The following SMAD6 variants were observed in gnomAD, a reference collection of about 807,000 sequenced individuals.
SMAD6 encodes SMAD family member 6, also known as MAD homolog 6.
Under a neutral mutation model 39.4 loss-of-function variants are expected in SMAD6, and 103 were observed. The ratio of observed to expected loss-of-function variants is 2.62; its 90% CI spans 2.23 to 3.08. SMAD6 has a LOEUF of 3.08. Among genes scored for constraint, SMAD6 ranks in the 30% most tolerant of loss-of-function variants. SMAD6 has a pLI of 0.00. For missense variants in SMAD6, 1,104 were observed against 742.9 expected (o/e 1.49, Z -5.65); for synonymous variants, 445 against 353.3 (o/e 1.26, Z -2.91).
intron 3 of SMAD6, among the ~76,000 whole-genome samples, chr15:66,731,638 T>C (rs551498493): frequency 6.6e-6 from 1 of 152,334 alleles, no homozygotes; most frequent in South Asian, 2.1e-4. Flanking sequence ...TCCATGTTGT[T>C]TCTTGGATGG....
Position 66,757,770 on chromosome 15 carries a change from G to T in SMAD6, c.953-23227G>T, listed in dbSNP as rs112466319. On this transcript the variant is annotated intron_variant, in intron 3 of 3. Transcript: ENST00000288840. ...CGCCGCATTCTGCTCACACAGCCTG[G>T]ATGCCAGAATGTCCACCGAGCCGCG... is the stretch of plus-strand genomic sequence containing the variant. Among the ~76,000 whole-genome samples the T allele has an allele frequency of 2.1e-3, 323 of 152,314 alleles. 1 individual carries two copies. Among genetic ancestry groups the T allele is most frequent in the Non-Finnish European group, 3.7e-3 (254 of 68,016 alleles).
chr15:66,721,988 C>T (rs979809915), intron 3 of SMAD6, among the ~76,000 whole-genome samples: 5 of 152,062 alleles, frequency 3.3e-5, no homozygotes, highest in African/African-American at 1.2e-4. Flanking sequence ...ATAGCAGATG[C>T]AAAGACCTGG....
At chr15:66,718,953 GGGGCATTTGATGTCTAA>G (rs1410928776) in intron 3 of SMAD6, among the ~76,000 whole-genome samples, 9 of 152,200 alleles carry the variant, frequency 5.9e-5, no homozygotes, top group Admixed American at 2.6e-4. Flanking sequence ...GGGCCAGGCC[GGGGCATTTGATGTCTAA>G]GGACAAATAA....
chr15:66,743,044 A>ATT (rs1893843940), intron 3 of SMAD6, among the ~76,000 whole-genome samples: 1 of 151,994 alleles, frequency 6.6e-6, no homozygotes, highest in Admixed American at 6.5e-5. Context: ...CCTCTGTCAA[A>ATT]TAACAGGTCC....
chr15:66,764,540 C>A (rs1437259008), intron 3 of SMAD6, among the ~76,000 whole-genome samples: 2 of 152,082 alleles, frequency 1.3e-5, no homozygotes, highest in African/African-American at 4.8e-5. Context: ...GCAGATATAA[C>A]ATGGAATGCA....
At chr15:66,763,415 G>A (rs1311732015) in intron 3 of SMAD6, among the ~76,000 whole-genome samples, 3 of 152,198 alleles carry the variant, frequency 2.0e-5, no homozygotes, top group African/African-American at 4.8e-5. Context: ...TGGCCCAGCC[G>A]GAACCTGCCA....
intron 1 of SMAD6, 102 bp downstream of exon 1, chr15:66,704,177 T>C (rs1057077538): frequency 2.3e-5 from 23 of 979,832 alleles, no homozygotes; most frequent in African/African-American, 5.1e-5. Flanking sequence ...CTGCGGGTGC[T>C]CCCCCGGGTG....
chr15:66,751,863 GA>G (rs961451748), intron 3 of SMAD6, among the ~76,000 whole-genome samples: 2 of 152,224 alleles, frequency 1.3e-5, no homozygotes, highest in African/African-American at 4.8e-5. Context: ...AACAGTCTCA[GA>G]GACACCAGTG....
chr15:66,739,855 G>T (rs1278303258), intron 3 of SMAD6, among the ~76,000 whole-genome samples: 1 of 152,128 alleles, frequency 6.6e-6, no homozygotes, highest in Non-Finnish European at 1.5e-5. Context: ...GCCCAGGGTA[G>T]CCTCGAACTA....
chr15:66,729,400 C>T (rs1313892561), intron 3 of SMAD6, among the ~76,000 whole-genome samples: 7 of 152,222 alleles, frequency 4.6e-5, no homozygotes, highest in Non-Finnish European at 1.0e-4. Context: ...CTGGGCCTTT[C>T]ACCGGTAGCC....
chr15:66,710,192 AT>A (rs1408458184), intron 1 of SMAD6, among the ~76,000 whole-genome samples: 1 of 152,196 alleles, frequency 6.6e-6, no homozygotes, highest in African/African-American at 2.4e-5. Context: ...ATCTCATTTA[AT>A]TTTTGTATTT....
At chr15:66,721,026 G>A (rs1228193051) in intron 3 of SMAD6, among the ~76,000 whole-genome samples, 2 of 152,218 alleles carry the variant, frequency 1.3e-5, no homozygotes, top group Non-Finnish European at 2.9e-5. Flanking sequence ...TGAGCTGGAT[G>A]TGGGTATCTT....
At chr15:66,743,827 A>G (rs1893858343) in intron 3 of SMAD6, among the ~76,000 whole-genome samples, 1 of 152,208 alleles carries the variant, frequency 6.6e-6, no homozygotes, top group Non-Finnish European at 1.5e-5. Context: ...TTCTCTTAGC[A>G]ATACTGAAAA....
chr15:66,779,308 A>G (rs936059008), intron 3 of SMAD6, among the ~76,000 whole-genome samples: 1 of 152,206 alleles, frequency 6.6e-6, no homozygotes, highest in Admixed American at 6.5e-5. Context: ...TCTCCTGACC[A>G]TCAGCTGGAA....
At chr15:66,722,967 G>T (rs1893460573) in intron 3 of SMAD6, among the ~76,000 whole-genome samples, 1 of 152,176 alleles carries the variant, frequency 6.6e-6, no homozygotes, top group Non-Finnish European at 1.5e-5. Flanking sequence ...TCTAGTCTCA[G>T]TTTGCTCAGC....
chr15:66,749,379 A>T (rs8041472), intron 3 of SMAD6, among the ~76,000 whole-genome samples: 11,388 of 152,158 alleles, frequency 0.075, 536 homozygotes, highest in East Asian at 0.2. Flanking sequence ...AATCGATTGA[A>T]CCTTGCTGGC....
intron 3 of SMAD6, among the ~76,000 whole-genome samples, chr15:66,735,045 C>T (rs974965666): frequency 4.6e-5 from 7 of 152,232 alleles, no homozygotes; most frequent in African/African-American, 9.6e-5. Context: ...AGAATAGCCA[C>T]GGCCAGCTCG....
At chr15:66,708,176 C>A (rs1388588379) in intron 1 of SMAD6, 4 of 152,370 alleles carry the variant, frequency 2.6e-5, no homozygotes, top group African/African-American at 9.7e-5. Context: ...CTACCAGGTC[C>A]ACTTCTTTCA....
intron 3 of SMAD6, among the ~76,000 whole-genome samples, chr15:66,734,507 T>G (rs1346573619): frequency 1.3e-5 from 2 of 152,320 alleles, no homozygotes; most frequent in Admixed American, 6.5e-5. Context: ...GGCATTTATT[T>G]AACAGTGCCA....
Sources: allele counts gnomAD v4.1 joint callset (sites outside exome capture counted in the v4.1 genomes callset), GRCh38; gene constraint gnomAD v4.1.1; transcripts MANE v1.5; gene names NCBI Gene and HGNC (gene_info 2026-07-23, HGNC 2026-07-21).